Variants in TRMT10B observed in about 807,000 individuals in gnomAD.
The protein encoded by TRMT10B is tRNA methyltransferase 10 homolog B.
A neutral mutation model predicts 43.8 loss-of-function variants in TRMT10B; 33 were observed. The observed-to-expected ratio is 0.75, with a 90% CI of 0.57 to 1.01. TRMT10B has a LOEUF of 1.01. Among genes scored for constraint, TRMT10B ranks in the 50% least tolerant of loss-of-function variants. TRMT10B has a pLI of 0.00. For missense variants in TRMT10B, 362 were observed against 369.8 expected (o/e 0.98, Z 0.17); for synonymous variants, 137 against 130.6 (o/e 1.05, Z -0.34).
chr9:37,753,630 A>G (rs896306018), upstream of TRMT10B, among the ~76,000 whole-genome samples: 3 of 152,236 alleles, frequency 2.0e-5, no homozygotes, highest in African/African-American at 7.2e-5. Context: ...ACAGGGGTTC[A>G]GAGAAGGTGG....
intron 4 of TRMT10B, 54 bp downstream of exon 4, chr9:37,763,807 G>T: frequency 6.2e-7 from 1 of 1,612,020 alleles, no homozygotes. Flanking sequence ...AGGCCCAGAA[G>T]GGTACAGCTT....
intron 1 of TRMT10B, among the ~76,000 whole-genome samples, chr9:37,756,691 C>T (rs909922448): frequency 6.6e-6 from 1 of 151,522 alleles, no homozygotes; most frequent in East Asian, 1.9e-4. Context: ...TGCGCTCCAG[C>T]CTGGGTGACA....
chr9:37,777,812 C>A lies in TRMT10B; in HGVS notation c.*105C>A. The A allele has an allele frequency of 1.2e-6, 1 of 862,516 alleles. No individual in the cohort carries two copies. The highest frequency in any genetic ancestry group is 1.9e-6 in the Non-Finnish European group (1 of 533,518). The allele number at this position is 862,516 out of a possible 1,614,324, so 53.4% of individuals were successfully genotyped here. On this transcript the variant is annotated 3_prime_UTR_variant, in exon 9 of 9. Coordinates refer to ENST00000297994, the MANE Select transcript of TRMT10B (RefSeq NM_144964.4). The stretch of plus-strand genomic sequence containing the variant: ...CCTGAGGTCAGGAGTTCACGACCAG[C>A]CTGGCCAACATGGTGAAACCCTTCT...
intron 8 of TRMT10B, among the ~76,000 whole-genome samples, chr9:37,777,341 A>C (rs1828281234): frequency 6.8e-6 from 1 of 146,580 alleles, no homozygotes; most frequent in Admixed American, 7.0e-5. Flanking sequence ...ATCCCAGGCC[A>C]CAGCAGAGCC....
rs2118608121 is a variant in TRMT10B, at chr9:37,753,839, G to GGT, written c.-41_-40dup. 6.6e-6 allele frequency: 1 copy of GGT among 152,572 alleles called. No homozygotes were observed. The highest frequency in any genetic ancestry group is 1.5e-5 in the Non-Finnish European group (1 of 68,224). 9.5% of individuals were successfully genotyped at this position (152,572 alleles called of 1,614,324 possible). On this transcript the variant is annotated 5_prime_UTR_variant, in exon 1 of 9. It removes the in-frame stop codon of an upstream open reading frame in the 5' UTR. Transcript: ENST00000297994. Reference sequence around the variant, plus strand: ...ATGCGCGCCGCTGCCGCTGCGTGGGGGTGAGGGGATCAGGTACGCTGTCCG... The same window carrying GGT: ...ATGCGCGCCGCTGCCGCTGCGTGGGGGTGTGAGGGGATCAGGTACGCTGTCCG...
Position 37,768,058 on chromosome 9 carries a change from GTTC to G in TRMT10B, c.421-15_421-13del. On this transcript the variant is annotated splice_polypyrimidine_tract_variant and intron_variant, in intron 4 of 8. Coordinates refer to ENST00000297994, the MANE Select transcript of TRMT10B (RefSeq NM_144964.4). ...AGTTGGCATGTTTTTGCCCTGAGTT[GTTC>G]TTATTTCTTTGAAGGAATTAAGTAG... 6.2e-7 allele frequency: 1 copy of G among 1,612,492 alleles called. No individual in the cohort carries two copies. The highest frequency in any genetic ancestry group is 8.5e-7 in the Non-Finnish European group (1 of 1,179,116).
At chr9:37,753,355 A>G (rs1294322810), upstream of TRMT10B, among the ~76,000 whole-genome samples, 1 of 152,202 alleles carries the variant, frequency 6.6e-6, no homozygotes, top group Non-Finnish European at 1.5e-5. Flanking sequence ...TTGGGCCTAA[A>G]CTCCGCAAGG....
In TRMT10B at chr9:37,777,810, A is replaced by C. The variant is rs1828349750; in HGVS notation, c.*103A>C. 1.1e-6 allele frequency: 1 copy of C among 878,750 alleles called. No individual in the cohort carries two copies. Among genetic ancestry groups the C allele is most frequent in the African/African-American group, 1.7e-5 (1 of 59,576 alleles). The allele number at this position is 878,750 out of a possible 1,614,324, so 54.4% of individuals were successfully genotyped here. On this transcript the variant is annotated 3_prime_UTR_variant, in exon 9 of 9. Transcript: ENST00000297994. ...CACCTGAGGTCAGGAGTTCACGACC[A>C]GCCTGGCCAACATGGTGAAACCCTT... is the stretch of plus-strand genomic sequence containing the variant.
rs777987343 is a variant in TRMT10B, at chr9:37,762,588, G to C, written c.198G>C (p.Gln66His). ...CTGGATAATATAAGAAAAATGTCCAGAGAAAACAGAGACACTGGGAAAAGA... is the reference window on the plus strand; with the variant it reads ...CTGGATAATATAAGAAAAATGTCCACAGAAAACAGAGACACTGGGAAAAGA... Reference protein sequence around the residue: ...GSTAWCSKNVQRKQRHWEKIV... With the variant: ...GSTAWCSKNVHRKQRHWEKIV... Residue 66 changes from glutamine (Q) to histidine (H), a missense_variant, in exon 3 of 9, where the codon CAG (glutamine) becomes CAC (histidine). Coordinates refer to ENST00000297994, the MANE Select transcript of TRMT10B (RefSeq NM_144964.4). The C allele has an allele frequency of 6.0e-5, 95 of 1,589,454 alleles. No homozygotes were observed. The East Asian group carries it at 2.1e-3, about 36-fold the overall frequency.
In TRMT10B at chr9:37,778,876, G is replaced by A. The variant is rs1017751553; in HGVS notation, c.*1169G>A. 3.3e-5 allele frequency: 5 copies of A among 152,102 alleles called. No individual in the cohort carries two copies. Among genetic ancestry groups the A allele is most frequent in the South Asian group, 2.1e-4 (1 of 4,824 alleles). The allele number at this position is 152,102 out of a possible 1,614,324, so 9.4% of individuals were successfully genotyped here. On this transcript the variant is annotated 3_prime_UTR_variant, in exon 9 of 9. Coordinates refer to ENST00000297994, the MANE Select transcript of TRMT10B (RefSeq NM_144964.4). ...CTTCCTAATGGTAGGATCCTAACAGGACAAATCTGTGTACCTATCTTTCTA... is the reference window on the plus strand; with the variant it reads ...CTTCCTAATGGTAGGATCCTAACAGAACAAATCTGTGTACCTATCTTTCTA...
At chr9:37,767,187 C>G (rs1827064733) in intron 4 of TRMT10B, 1 of 152,098 alleles carries the variant, frequency 6.6e-6, no homozygotes, top group Non-Finnish European at 1.5e-5. Flanking sequence ...CCTGAAACTT[C>G]TAACTCTAGT....
intron 7 of TRMT10B, among the ~76,000 whole-genome samples, chr9:37,775,849 T>C (rs753094887): frequency 3.9e-5 from 6 of 152,248 alleles, no homozygotes; most frequent in Non-Finnish European, 7.3e-5. Flanking sequence ...GGGCTCTCTC[T>C]TCTCACACCC....
intron 7 of TRMT10B, among the ~76,000 whole-genome samples, chr9:37,771,156 T>C (rs1187997225): frequency 6.6e-6 from 1 of 152,240 alleles, no homozygotes; most frequent in Non-Finnish European, 1.5e-5. Context: ...CAGATTTTTT[T>C]TGTTGGAGTT....
chr9:37,754,924 C>T (rs562418386), intron 1 of TRMT10B, among the ~76,000 whole-genome samples: 13 of 152,230 alleles, frequency 8.5e-5, no homozygotes, highest in Non-Finnish European at 1.9e-4. Context: ...CACTCAAATT[C>T]ATAAGATAGG....
intron 7 of TRMT10B, among the ~76,000 whole-genome samples, chr9:37,775,806 T>A (rs1336518229): frequency 6.6e-6 from 1 of 152,196 alleles, no homozygotes; most frequent in Non-Finnish European, 1.5e-5. Context: ...AAGTGTTGTG[T>A]GAGGCACTTC....
chr9:37,760,173 A>T (rs1826172527), intron 1 of TRMT10B, among the ~76,000 whole-genome samples: 1 of 152,198 alleles, frequency 6.6e-6, no homozygotes, highest in Non-Finnish European at 1.5e-5. Flanking sequence ...TAAAAATAAA[A>T]TTAGCTAGGC....
At chr9:37,768,294 T>C (rs1827201709) in intron 5 of TRMT10B, 66 bp downstream of exon 5, 2 of 1,485,304 alleles carry the variant, frequency 1.3e-6, no homozygotes, top group East Asian at 2.3e-5. Context: ...ATAGTATTTT[T>C]TTTTTACTTT....
chr9:37,769,910 G>C (rs1216973000), intron 5 of TRMT10B, 31 bp from the exon 6 acceptor site: 1 of 1,596,584 alleles, frequency 6.3e-7, no homozygotes, highest in Non-Finnish European at 8.6e-7. Flanking sequence ...GCCGTGAGCT[G>C]TTTTAACATC....
chr9:37,762,463 T>G, intron 2 of TRMT10B, 114 bp from the exon 3 acceptor site: 1 of 1,421,070 alleles, frequency 7.0e-7, no homozygotes, highest in Non-Finnish European at 9.4e-7. Flanking sequence ...TAATTTCCTC[T>G]TTCTCTCCAA....
Sources: gnomAD v4.1 joint callset for allele counts (sites outside exome capture counted in the v4.1 genomes callset) on GRCh38, gnomAD v4.1.1 for gene constraint, MANE v1.5 for transcripts, NCBI Gene and HGNC (gene_info 2026-07-23, HGNC 2026-07-21) for gene names.